TEX11: variants seen among roughly 807,000 people sequenced by gnomAD.
TEX11 encodes testis-expressed protein 11.
A neutral mutation model predicts 84.4 loss-of-function variants in TEX11; 7 were observed. The observed-to-expected ratio is 0.08, with a 90% CI of 0.05 to 0.16. TEX11 has a LOEUF of 0.16. Among genes scored for constraint, TEX11 ranks in the 10% least tolerant of loss-of-function variants. TEX11 has a pLI of 1.00. For synonymous variants in TEX11, 264 were observed against 222.8 expected (o/e 1.18, Z -1.64); for missense variants, 551 against 660.5 (o/e 0.83, Z 1.82).
chrX:70,739,675 G>T (rs1440346743), intron 11 of TEX11, among the ~76,000 whole-genome samples: 1 of 111,630 alleles, frequency 9.0e-6, no homozygotes, highest in Non-Finnish European at 1.9e-5. Context: ...CTCCCAAAGT[G>T]CTGGGATTAC....
intron 9 of TEX11, among the ~76,000 whole-genome samples, chrX:70,776,881 A>C (rs533830416): frequency 2.4e-3 from 263 of 111,380 alleles, no homozygotes; most frequent in South Asian, 0.017. Flanking sequence ...CTAGAAGAGA[A>C]GACTTGAAAT....
intron 9 of TEX11, among the ~76,000 whole-genome samples, chrX:70,747,439 A>G (rs2090775705): frequency 8.9e-6 from 1 of 112,650 alleles, no homozygotes; most frequent in Admixed American, 9.4e-5. Flanking sequence ...AACAAACAAT[A>G]AAAACAATAA....
At chrX:70,570,706 G>T (rs1332036814) in intron 25 of TEX11, among the ~76,000 whole-genome samples, 1 of 111,128 alleles carries the variant, frequency 9.0e-6, no homozygotes, top group Non-Finnish European at 1.9e-5. Flanking sequence ...TATTTTTGGG[G>T]GCACAATTTT....
At chrX:70,664,161 C>A (rs530803969) in intron 16 of TEX11, among the ~76,000 whole-genome samples, 1 of 111,944 alleles carries the variant, frequency 8.9e-6, no homozygotes, top group African/African-American at 3.2e-5. Flanking sequence ...GTGATTGCCA[C>A]TTTTTCTCCT....
intron 11 of TEX11, among the ~76,000 whole-genome samples, chrX:70,733,811 C>T (rs997160558): frequency 9.0e-6 from 1 of 111,600 alleles, no homozygotes; most frequent in African/African-American, 3.3e-5. Flanking sequence ...TGGGTATATA[C>T]CCAAAGGACT....
At position 70,572,154 on chromosome X, in the gene TEX11, GA is replaced by G. The variant is rs1223276683; in HGVS notation, c.2141-17355del. Among the ~76,000 whole-genome samples, 827 of 98,397 alleles carry G rather than the reference GA, an allele frequency of 8.4e-3. 7 individuals carry two copies. The highest frequency in any genetic ancestry group is 0.026 in the African/African-American group (698 of 27,223). The allele number at this position is 98,397 out of a possible 115,157, so 85.4% of individuals were successfully genotyped here. A position where few individuals can be genotyped will look rare whatever the true frequency, so the allele number is the denominator to read the frequency against. On this transcript the variant is annotated intron_variant, in intron 25 of 29. Transcript: ENST00000374333. ...ACAAAGAACTCAAACAAATTTACAA[GA>G]AAAAAAAAAACAACCCCATCAAAAA...
intron 13 of TEX11, among the ~76,000 whole-genome samples, chrX:70,703,555 AC>A (rs1448872519): frequency 6.3e-5 from 7 of 111,208 alleles, no homozygotes; most frequent in Admixed American, 5.8e-4. Context: ...CATATAGGAT[AC>A]TTTTCCTCTG....
intron 7 of TEX11, among the ~76,000 whole-genome samples, chrX:70,836,043 G>A (rs568708542): frequency 9.4e-6 from 1 of 106,004 alleles, no homozygotes; most frequent in East Asian, 3.0e-4. Context: ...TTGAACCCGG[G>A]AAGCAGAGGC....
At chrX:70,721,693 G>A (rs1168977793) in intron 13 of TEX11, among the ~76,000 whole-genome samples, 1 of 111,764 alleles carries the variant, frequency 8.9e-6, no homozygotes, top group Non-Finnish European at 1.9e-5. Flanking sequence ...AGTTTTACTG[G>A]AATAAAAGCC....
intron 16 of TEX11, among the ~76,000 whole-genome samples, chrX:70,668,006 C>A (rs1303021442): frequency 9.0e-6 from 1 of 111,193 alleles, no homozygotes; most frequent in Non-Finnish European, 1.9e-5. Flanking sequence ...GGTCCCCAGA[C>A]AAAGTTACTT....
intron 16 of TEX11, among the ~76,000 whole-genome samples, chrX:70,659,223 T>C (rs1314850997): frequency 2.7e-5 from 3 of 112,054 alleles, no homozygotes; most frequent in African/African-American, 6.5e-5. Context: ...TCATCAAAAA[T>C]TTTTTAAAAT....
downstream of TEX11, among the ~76,000 whole-genome samples, chrX:70,526,429 C>T (rs749886681): frequency 9.1e-6 from 1 of 110,376 alleles, no homozygotes; most frequent in East Asian, 2.9e-4. Flanking sequence ...ATTAGCCAGG[C>T]GTGGTGGCAC....
At chrX:70,843,770 C>T (rs1387833971) in intron 7 of TEX11, among the ~76,000 whole-genome samples, 1 of 111,740 alleles carries the variant, frequency 8.9e-6, no homozygotes, top group Non-Finnish European at 1.9e-5. Flanking sequence ...AAGAAAAAAA[C>T]TAACAATACC....
In TEX11 at chrX:70,794,439, T is replaced by C. The variant is rs1005322996; in HGVS notation, c.692+12266A>G. 8.1e-5 allele frequency among the ~76,000 whole-genome samples: 9 copies of C among 110,812 alleles called. 1 individual carries two copies. The highest frequency in any genetic ancestry group is 3.8e-4 in the South Asian group (1 of 2,603). ...GCAGTCTAGGCCACAAGGCAAGTCC[T>C]TGTGGGTATGGAGTCAGTAAACTTA... On this transcript the variant is annotated intron_variant, in intron 9 of 29. Transcript: ENST00000374333.
chrX:70,833,314 A>C (rs187853106), intron 8 of TEX11, among the ~76,000 whole-genome samples, 199 bp downstream of exon 8: 4 of 107,363 alleles, frequency 3.7e-5, no homozygotes, highest in African/African-American at 7.2e-5. Context: ...GAAAAGAAAA[A>C]AAAGAAATAT....
At chrX:70,773,114 G>A (rs1423656224) in intron 9 of TEX11, among the ~76,000 whole-genome samples, 1 of 111,008 alleles carries the variant, frequency 9.0e-6, no homozygotes, top group African/African-American at 3.3e-5. Context: ...TTAAATAAGG[G>A]AATGACAGAA....
At chrX:70,516,444 T>C in the TEX11 span, among the ~76,000 whole-genome samples, 1 of 111,782 alleles carries the variant, frequency 8.9e-6, no homozygotes, top group African/African-American at 3.3e-5. Context: ...TGTGTGGTGT[T>C]ATTTCTGAGG....
intron 8 of TEX11, among the ~76,000 whole-genome samples, chrX:70,811,711 C>T (rs1181508671): frequency 2.1e-4 from 23 of 110,041 alleles, no homozygotes; most frequent in African/African-American, 5.6e-4. Flanking sequence ...TTTTAATGAT[C>T]GCCATTCTAA....
chrX:70,767,227 G>A (rs1322743155), intron 9 of TEX11, among the ~76,000 whole-genome samples: 1 of 111,519 alleles, frequency 9.0e-6, no homozygotes, highest in Non-Finnish European at 1.9e-5. Context: ...CTAATAAGGG[G>A]TTAATGAGCA....
Sources: gnomAD v4.1 joint callset for allele counts (sites outside exome capture counted in the v4.1 genomes callset) on GRCh38, gnomAD v4.1.1 for gene constraint, MANE v1.5 for transcripts, NCBI Gene and HGNC (gene_info 2026-07-23, HGNC 2026-07-21) for gene names.